The following PIP5K1A variants were observed in gnomAD, a reference collection of about 807,000 sequenced individuals.
The protein encoded by PIP5K1A is phosphatidylinositol-4-phosphate 5-kinase type 1 alpha.
PIP5K1A carries 46 observed loss-of-function variants against 72.9 expected under a neutral mutation model. The ratio of observed to expected loss-of-function variants is 0.63; its 90% CI spans 0.50 to 0.81. PIP5K1A has a LOEUF of 0.81. Among genes scored for constraint, PIP5K1A ranks in the 30% least tolerant of loss-of-function variants. The pLI, the probability that PIP5K1A is intolerant of heterozygous loss-of-function variation, is 0.00. For missense variants in PIP5K1A, 458 were observed against 706.1 expected, an observed-to-expected ratio of 0.65 and a Z score of 3.98; for synonymous variants, 228 against 255.1, an observed-to-expected ratio of 0.89 and a Z score of 1.01.
intron 4 of PIP5K1A, among the ~76,000 whole-genome samples, chr1:151,229,886 A>G (rs972316644): frequency 2.0e-5 from 3 of 151,804 alleles, no homozygotes; most frequent in Non-Finnish European, 4.4e-5. Context: ...GATCGAGATC[A>G]TCCTGGCTAA....
At chr1:151,229,734 T>TA (rs111793845) in intron 4 of PIP5K1A, among the ~76,000 whole-genome samples, 94,623 of 145,834 alleles carry the variant, frequency 0.65, 30,689 homozygotes, top group Non-Finnish European at 0.7. Context: ...GGCAGGTACT[T>TA]AAAAAAAAAA....
intron 1 of PIP5K1A, among the ~76,000 whole-genome samples, chr1:151,214,148 G>A (rs1303367652): frequency 6.6e-6 from 1 of 152,104 alleles, no homozygotes; most frequent in Non-Finnish European, 1.5e-5. Flanking sequence ...ACTGCGCCAT[G>A]ATGTATATTA....
intron 1 of PIP5K1A, among the ~76,000 whole-genome samples, chr1:151,219,226 C>G (rs1032631280): frequency 4.0e-5 from 6 of 151,636 alleles, no homozygotes; most frequent in African/African-American, 1.5e-4. Flanking sequence ...ACTAAAAATA[C>G]AAAAATTAGC....
At chr1:151,203,426 G>A (rs1235403792) in intron 1 of PIP5K1A, among the ~76,000 whole-genome samples, 1 of 151,910 alleles carries the variant, frequency 6.6e-6, no homozygotes, top group African/African-American at 2.4e-5. Flanking sequence ...CTACTCAGGA[G>A]GCTGAGGCAG....
Position 151,239,979 on chromosome 1 carries a change from G to C in PIP5K1A, c.1303G>C (p.Gly435Arg). Residue 435 changes from glycine to arginine, a missense_variant, in exon 12 of 16, where the codon GGC becomes CGC. Transcript: ENST00000368888. Reference protein sequence around the residue: ...DGDTVSVHRPGFYAERFQRFM... With the variant: ...DGDTVSVHRPRFYAERFQRFM... The stretch of plus-strand genomic sequence containing the variant: ...GGACACTGTCTCAGTGCATCGCCCA[G>C]GCTTCTACGCTGAACGGTTCCAGCG... 6.2e-7 allele frequency: 1 copy of C among 1,613,102 alleles called. No individual in the cohort carries two copies. Among genetic ancestry groups the C allele is most frequent in the Non-Finnish European group, 8.5e-7 (1 of 1,179,408 alleles).
chr1:151,247,096 T>G (rs1692613010), intron 15 of PIP5K1A, 131 bp downstream of exon 15: 4 of 428,878 alleles, frequency 9.3e-6, no homozygotes, highest in Non-Finnish European at 1.7e-5. Context: ...TTTTTATTTT[T>G]TATTATTTTT....
chr1:151,207,096 C>T (rs1055437234), intron 1 of PIP5K1A, among the ~76,000 whole-genome samples: 2 of 152,272 alleles, frequency 1.3e-5, no homozygotes, highest in Non-Finnish European at 2.9e-5. Flanking sequence ...TCTTGAACTC[C>T]TGACCTCAAG....
At chr1:151,197,112 T>A (rs1684624390), upstream of PIP5K1A, among the ~76,000 whole-genome samples, 1 of 151,560 alleles carries the variant, frequency 6.6e-6, no homozygotes, top group Non-Finnish European at 1.5e-5. Context: ...TCCACCTACC[T>A]CGGCCTCCCA....
At chr1:151,242,595 T>G (rs377455835) in intron 14 of PIP5K1A, 28 bp downstream of exon 14, 19 of 1,593,872 alleles carry the variant, frequency 1.2e-5, no homozygotes, top group Non-Finnish European at 1.5e-5. Context: ...TTTCTCCATA[T>G]AATCTTATCT....
At chr1:151,211,056 C>T (rs587673302) in intron 1 of PIP5K1A, among the ~76,000 whole-genome samples, 1 of 152,312 alleles carries the variant, frequency 6.6e-6, no homozygotes, top group South Asian at 2.1e-4. Context: ...GTCAGTCACA[C>T]ACTGCTTCTT....
At chr1:151,209,313 G>A (rs181773403) in intron 1 of PIP5K1A, among the ~76,000 whole-genome samples, 1 of 151,898 alleles carries the variant, frequency 6.6e-6, no homozygotes, top group Non-Finnish European at 1.5e-5. Flanking sequence ...TTGCTCTGTC[G>A]CCCAGGCTGG....
chr1:151,239,484 C>CTGG (rs1343497447), intron 11 of PIP5K1A, among the ~76,000 whole-genome samples: 1 of 151,966 alleles, frequency 6.6e-6, no homozygotes, highest in Non-Finnish European at 1.5e-5. Context: ...GTTGGCCAGG[C>CTGG]TGGTCTCAAA....
intron 2 of PIP5K1A, 26 bp from the exon 3 acceptor site, chr1:151,224,345 G>A (rs1190179372): frequency 1.9e-6 from 3 of 1,609,748 alleles, no homozygotes; most frequent in Non-Finnish European, 2.6e-6. Flanking sequence ...ACCTGTTTAT[G>A]ACATTTTTAT....
chr1:151,223,323 C>G (rs186906854), intron 1 of PIP5K1A, among the ~76,000 whole-genome samples: 744 of 145,372 alleles, frequency 5.1e-3, no homozygotes, highest in Non-Finnish European at 7.7e-3. Context: ...GCACTCCAGC[C>G]TCGGTGACCA....
chr1:151,226,701 G>A (rs1406919899), intron 3 of PIP5K1A, among the ~76,000 whole-genome samples: 9 of 123,100 alleles, frequency 7.3e-5, no homozygotes, highest in South Asian at 2.7e-4. Context: ...CGACACAAGC[G>A]AAACTCTGTC....
In PIP5K1A at chr1:151,207,411, G is replaced by A. The variant is rs587668771; in HGVS notation, c.85+8330G>A. Among the ~76,000 whole-genome samples, 5 of 152,154 alleles carry A rather than the reference G, an allele frequency of 3.3e-5. No homozygotes were observed. The East Asian group carries it at 9.6e-4, about 29-fold the overall frequency. ...CTGAGAACCATGAAACTTGTTTGTA[G>A]GATTAGAAGCAAAAGTTGACTAGAG... On this transcript the variant is annotated intron_variant, in intron 1 of 15. Transcript: ENST00000368888.
chr1:151,199,442 G>C lies in PIP5K1A; in HGVS notation c.85+361G>C, dbSNP rs1056914566. 2.0e-5 allele frequency among the ~76,000 whole-genome samples: 3 copies of C among 151,880 alleles called. No homozygotes were observed. The South Asian group carries it at 6.2e-4, about 32-fold the overall frequency. The stretch of plus-strand genomic sequence containing the variant: ...AGCCTGGCCAACATAGAGAAATCTC[G>C]TCCCTACTAAAAATACAAAAATTAT... On this transcript the variant is annotated intron_variant, in intron 1 of 15. Coordinates refer to ENST00000368888, the MANE Select transcript of PIP5K1A (RefSeq NM_001135638.2).
rs996343671 is a variant in PIP5K1A at position 151,249,080 on chromosome 1, C to G, written c.*1215C>G. 1 of 152,182 alleles carries G rather than the reference C, an allele frequency of 6.6e-6. No individual in the cohort carries two copies. Among genetic ancestry groups the G allele is most frequent in the Non-Finnish European group, 1.5e-5 (1 of 68,044 alleles). 9.4% of individuals were successfully genotyped at this position (152,182 alleles called of 1,614,324 possible). A position where few individuals can be genotyped will look rare whatever the true frequency, so the allele number is the denominator to read the frequency against. ...CCCCGTCTACAAGAGTTGTGGTTTT[C>G]CATCTGATCCTTCCACTCTTGTCAG... On this transcript the variant is annotated 3_prime_UTR_variant, in exon 16 of 16. Coordinates refer to ENST00000368888, the MANE Select transcript of PIP5K1A (RefSeq NM_001135638.2).
At position 151,230,730 on chromosome 1, in the gene PIP5K1A, C is replaced by A. The variant is rs587742072; in HGVS notation, c.238-941C>A. Among the ~76,000 whole-genome samples the A allele has an allele frequency of 1.7e-4, 26 of 152,238 alleles. No individual in the cohort carries two copies. The East Asian group carries it at 4.6e-3, about 27-fold the overall frequency. Reference sequence around the variant, plus strand: ...CTAATTTTTGTGTTTTTAGTAGAGACGGTTTCACCACATTGGCCAGGCTGG... The same window carrying A: ...CTAATTTTTGTGTTTTTAGTAGAGAAGGTTTCACCACATTGGCCAGGCTGG... On this transcript the variant is annotated intron_variant, in intron 4 of 15. Transcript: ENST00000368888.
Sources: allele counts gnomAD v4.1 joint callset (sites outside exome capture counted in the v4.1 genomes callset), GRCh38; gene constraint gnomAD v4.1.1; transcripts MANE v1.5; gene names NCBI Gene and HGNC (gene_info 2026-07-23, HGNC 2026-07-21).